TMEM217B: variants seen among roughly 807,000 people sequenced by gnomAD.
TMEM217B encodes transmembrane protein 217B.
chr6:37,219,586 G>A, the TMEM217B span, among the ~76,000 whole-genome samples: 1 of 152,064 alleles, frequency 6.6e-6, no homozygotes, highest in African/African-American at 2.4e-5. Flanking sequence ...ACAAAAATTA[G>A]TCAGGTGTGG....
chr6:37,222,452 G>C, the TMEM217B span, among the ~76,000 whole-genome samples: 11 of 152,216 alleles, frequency 7.2e-5, no homozygotes, highest in African/African-American at 2.4e-4. Flanking sequence ...GGGCCTCCTG[G>C]GGTCCCCGAG....
chr6:37,223,399 T>C, the TMEM217B span, among the ~76,000 whole-genome samples: 5 of 152,346 alleles, frequency 3.3e-5, no homozygotes, highest in East Asian at 5.8e-4. Context: ...CCAACAGTTA[T>C]AGACTTCTAT....
the TMEM217B span, among the ~76,000 whole-genome samples, chr6:37,213,599 A>G: frequency 6.6e-6 from 1 of 152,252 alleles, no homozygotes. Flanking sequence ...TGCCTTAACA[A>G]TAAGCCACCA....
At chr6:37,257,939 C>A in the TMEM217B span, 1 of 1,614,072 alleles carries the variant, frequency 6.2e-7, no homozygotes, top group Non-Finnish European at 8.5e-7. Context: ...GAACAGCAAG[C>A]AGTTTTGGAA....
At chr6:37,231,369 C>A in the TMEM217B span, among the ~76,000 whole-genome samples, 1 of 150,720 alleles carries the variant, frequency 6.6e-6, no homozygotes, top group Non-Finnish European at 1.5e-5. Flanking sequence ...CACACCTGGC[C>A]TCCATTTAAT....
At chr6:37,253,918 C>A in the TMEM217B span, among the ~76,000 whole-genome samples, 1 of 152,176 alleles carries the variant, frequency 6.6e-6, no homozygotes, top group Non-Finnish European at 1.5e-5. Flanking sequence ...CCACAGTCAA[C>A]CCAGGCATAT....
chr6:37,254,178 C>T, the TMEM217B span, among the ~76,000 whole-genome samples: 1 of 152,192 alleles, frequency 6.6e-6, no homozygotes, highest in Non-Finnish European at 1.5e-5. Flanking sequence ...TTGTAGGCTC[C>T]ACCTCAGACC....
At chr6:37,251,034 T>C in the TMEM217B span, among the ~76,000 whole-genome samples, 1 of 152,214 alleles carries the variant, frequency 6.6e-6, no homozygotes, top group Non-Finnish European at 1.5e-5. Context: ...TTCCACCATG[T>C]GGGGACACAG....
At chr6:37,221,972 G>A in the TMEM217B span, among the ~76,000 whole-genome samples, 1 of 152,140 alleles carries the variant, frequency 6.6e-6, no homozygotes, top group Non-Finnish European at 1.5e-5. Flanking sequence ...AGAAGAGAGG[G>A]TAGTTCCTCT....
chr6:37,253,489 GC>G, the TMEM217B span, among the ~76,000 whole-genome samples: 2 of 151,884 alleles, frequency 1.3e-5, no homozygotes, highest in African/African-American at 4.8e-5. Context: ...TTATCCCCTT[GC>G]CTTCTCTAAT....
chr6:37,243,072 G>C, the TMEM217B span, among the ~76,000 whole-genome samples: 1 of 152,048 alleles, frequency 6.6e-6, no homozygotes, highest in African/African-American at 2.4e-5. Context: ...TATGATTTAT[G>C]CCCACACTGT....
chr6:37,239,477 AAAAT>A, the TMEM217B span, among the ~76,000 whole-genome samples: 134,866 of 149,946 alleles, frequency 0.9, 60,742 homozygotes, highest in African/African-American at 0.95. Context: ...TCTGTCTTAA[AAAAT>A]AAATAAATAA....
At chr6:37,231,736 A>G in the TMEM217B span, among the ~76,000 whole-genome samples, 2 of 147,240 alleles carry the variant, frequency 1.4e-5, no homozygotes, top group African/African-American at 4.9e-5. Context: ...TTTTATATAT[A>G]TATTATATAT....
At chr6:37,215,273 A>G in the TMEM217B span, 911 of 1,613,810 alleles carry the variant, frequency 5.6e-4, 6 homozygotes, top group African/African-American at 9.0e-3. Context: ...TAAATATGCT[A>G]GTGTGGAAGC....
chr6:37,238,611 G>A, the TMEM217B span, among the ~76,000 whole-genome samples: 5 of 152,200 alleles, frequency 3.3e-5, no homozygotes, highest in Admixed American at 2.6e-4. Context: ...CCTGGTAAGA[G>A]AAGATGATGT....
At chr6:37,229,733 T>C in the TMEM217B span, among the ~76,000 whole-genome samples, 1 of 152,248 alleles carries the variant, frequency 6.6e-6, no homozygotes, top group Non-Finnish European at 1.5e-5. Context: ...ATTTAATTTC[T>C]AGTACTTCTC....
the TMEM217B span, among the ~76,000 whole-genome samples, chr6:37,241,054 AT>A: frequency 2.0e-5 from 3 of 149,384 alleles, no homozygotes; most frequent in Admixed American, 1.3e-4. Flanking sequence ...GGATATTAGC[AT>A]TTTTTCAATG....
At chr6:37,218,118 G>C in the TMEM217B span, 2 of 1,050,394 alleles carry the variant, frequency 1.9e-6, no homozygotes, top group Non-Finnish European at 2.3e-6. Flanking sequence ...ACCTCTTATG[G>C]GAAAGAAAAG....
chr6:37,217,626 G>A, the TMEM217B span: 1 of 985,162 alleles, frequency 1.0e-6, no homozygotes. Context: ...GGAAATTCGA[G>A]ACATAAATTG....
Sources: allele counts gnomAD v4.1 joint callset (sites outside exome capture counted in the v4.1 genomes callset), GRCh38; gene constraint gnomAD v4.1.1; transcripts MANE v1.5; gene names NCBI Gene and HGNC (gene_info 2026-07-23, HGNC 2026-07-21).